AGBL2: variants seen among roughly 807,000 people sequenced by gnomAD.
AGBL2 encodes AGBL carboxypeptidase 2.
Under a neutral mutation model 103.0 loss-of-function variants are expected in AGBL2, and 87 were observed. The ratio of observed to expected loss-of-function variants is 0.84; its 90% CI spans 0.71 to 1.01. The LOEUF is 1.01. AGBL2 is among the 50% of genes least tolerant of loss of function. The pLI, the probability that AGBL2 is intolerant of heterozygous loss-of-function variation, is 0.00. For missense variants in AGBL2, 904 were observed against 1,023.5 expected (o/e 0.88, Z 1.59); for synonymous variants, 335 against 356.7 (o/e 0.94, Z 0.69).
At chr11:47,679,919 G>A (rs1399007967) in intron 13 of AGBL2, 54 bp downstream of exon 13, 1 of 1,175,894 alleles carries the variant, frequency 8.5e-7, no homozygotes, top group African/African-American at 1.5e-5. Flanking sequence ...TAGGATTACA[G>A]GTGTGAGCCA....
Position 47,700,352 on chromosome 11 carries a change from G to C in AGBL2, c.587-799C>G, listed in dbSNP as rs575050065. Among the ~76,000 whole-genome samples the C allele has an allele frequency of 4.6e-5, 7 of 152,180 alleles. No homozygotes were observed. The East Asian group carries it at 1.4e-3, about 30-fold the overall frequency. The stretch of plus-strand genomic sequence containing the variant: ...CCAGCACTTTGGGAGGACAAGGTGG[G>C]TAGATTACCTGAGGTCGGGAGTTCG... On this transcript the variant is annotated intron_variant, in intron 7 of 18. Transcript: ENST00000525123.
At chr11:47,694,589 A>T (rs1438542319) in intron 8 of AGBL2, among the ~76,000 whole-genome samples, 1 of 152,144 alleles carries the variant, frequency 6.6e-6, no homozygotes, top group Non-Finnish European at 1.5e-5. Context: ...CTTTAAATAC[A>T]CTTTAAAATT....
chr11:47,685,308 C>T (rs1365082479), intron 11 of AGBL2, among the ~76,000 whole-genome samples: 3 of 152,076 alleles, frequency 2.0e-5, no homozygotes, highest in Admixed American at 2.0e-4. Flanking sequence ...TGGCAGGGGT[C>T]TCCCTATGTT....
intron 10 of AGBL2, among the ~76,000 whole-genome samples, chr11:47,687,790 T>G (rs1312759959): frequency 6.6e-6 from 1 of 151,366 alleles, no homozygotes; most frequent in Admixed American, 6.6e-5. Context: ...TTTCTTTCTT[T>G]TTTCTTTTCT....
intron 14 of AGBL2, among the ~76,000 whole-genome samples, chr11:47,675,487 C>T (rs1359449363): frequency 2.1e-5 from 3 of 144,294 alleles, no homozygotes; most frequent in African/African-American, 5.1e-5. Flanking sequence ...CGGGTTCAGG[C>T]GATCCTCCCT....
At chr11:47,710,313 G>C in intron 4 of AGBL2, 64 bp downstream of exon 4, 2 of 1,604,930 alleles carry the variant, frequency 1.2e-6, no homozygotes, top group Non-Finnish European at 1.7e-6. Context: ...AGATTCTTCT[G>C]AATACTCAGA....
At chr11:47,704,830 T>A in intron 6 of AGBL2, 102 bp from the exon 7 acceptor site, 1 of 871,422 alleles carries the variant, frequency 1.1e-6, no homozygotes, top group Non-Finnish European at 1.7e-6. Flanking sequence ...TATATTAAAA[T>A]ATTAGCACAG....
At position 47,665,031 on chromosome 11, in the gene AGBL2, G is replaced by A. The variant is rs2097337785; in HGVS notation, c.2449-1919C>T. Among the ~76,000 whole-genome samples the A allele has an allele frequency of 2.6e-5, 4 of 151,114 alleles. 1 individual carries two copies. The highest frequency in any genetic ancestry group is 4.2e-4 in the South Asian group (2 of 4,794). ...CAAGTAGCTAAGACTATAAGCATGC[G>A]CCACCATGCACAGCTCATTTTTTTT... On this transcript the variant is annotated intron_variant, in intron 17 of 18. Coordinates refer to ENST00000525123, the MANE Select transcript of AGBL2 (RefSeq NM_024783.4).
In AGBL2 at chr11:47,705,641, CAAAAAA is replaced by C. The variant is rs71228117; in HGVS notation, c.287-13_287-8del. On this transcript the variant is annotated splice_polypyrimidine_tract_variant and splice_region_variant and intron_variant, in intron 5 of 18. Transcript: ENST00000525123. ...CCCAGGCAAGAGTGAAAGTCTGTGTCAAAAAAAAAAAAAAAAGAAAAAGAAAAAGAA... is the reference window on the plus strand; with the variant it reads ...CCCAGGCAAGAGTGAAAGTCTGTGTCAAAAAAAAAAGAAAAAGAAAAAGAA... 4.6e-5 allele frequency: 19 copies of C among 412,856 alleles called. No homozygotes were observed. Among genetic ancestry groups the C allele is most frequent in the African/African-American group, 1.3e-4 (5 of 37,892 alleles). The allele number at this position is 412,856 out of a possible 1,614,324, so 25.6% of individuals were successfully genotyped here. A position where few individuals can be genotyped will look rare whatever the true frequency, so the allele number is the denominator to read the frequency against.
intron 10 of AGBL2, among the ~76,000 whole-genome samples, chr11:47,689,871 A>G (rs2097438090): frequency 6.6e-6 from 1 of 152,166 alleles, no homozygotes; most frequent in Non-Finnish European, 1.5e-5. Context: ...TTGCATGTCC[A>G]GTTTCAACCC....
chr11:47,692,293 C>T, intron 8 of AGBL2, 37 bp from the exon 9 acceptor site: 1 of 1,587,692 alleles, frequency 6.3e-7, no homozygotes, highest in Non-Finnish European at 8.6e-7. Flanking sequence ...AGGTTCTACT[C>T]AGAATCCACT....
chr11:47,709,727 A>T (rs2097531664), intron 4 of AGBL2, among the ~76,000 whole-genome samples: 1 of 151,190 alleles, frequency 6.6e-6, no homozygotes, highest in African/African-American at 2.4e-5. Flanking sequence ...AGCTGGGACC[A>T]CAGGCACCTG....
intron 14 of AGBL2, among the ~76,000 whole-genome samples, chr11:47,669,775 C>T (rs756049149): frequency 6.6e-6 from 1 of 152,100 alleles, no homozygotes; most frequent in African/African-American, 2.4e-5. Flanking sequence ...CCATGCCCAG[C>T]TAATTTTTTG....
chr11:47,667,743 G>A, intron 15 of AGBL2, 47 bp from the exon 16 acceptor site: 1 of 1,592,000 alleles, frequency 6.3e-7, no homozygotes, highest in Admixed American at 1.8e-5. Context: ...TCCAGAACTA[G>A]GCCCACCCAC....
chr11:47,700,007 G>C (rs1224806400), intron 7 of AGBL2, among the ~76,000 whole-genome samples: 1 of 151,724 alleles, frequency 6.6e-6, no homozygotes, highest in Non-Finnish European at 1.5e-5. Flanking sequence ...GCTCAGGCTA[G>C]AGTGCAATGG....
intron 9 of AGBL2, 121 bp from the exon 10 acceptor site, chr11:47,690,979 T>C: frequency 1.3e-6 from 1 of 785,342 alleles, no homozygotes; most frequent in Non-Finnish European, 2.0e-6. Context: ...ATCTGCTACC[T>C]TAATCATTTA....
intron 7 of AGBL2, among the ~76,000 whole-genome samples, chr11:47,703,798 G>A (rs569566782): frequency 6.6e-6 from 1 of 152,044 alleles, no homozygotes; most frequent in East Asian, 1.9e-4. Context: ...GGTGGCACAT[G>A]CCTGTAATCC....
intron 3 of AGBL2, among the ~76,000 whole-genome samples, chr11:47,713,127 G>A (rs1159361555): frequency 6.6e-6 from 1 of 151,688 alleles, no homozygotes; most frequent in East Asian, 1.9e-4. Context: ...ATCACCTGAG[G>A]TCAGGAGTTC....
intron 4 of AGBL2, among the ~76,000 whole-genome samples, chr11:47,708,325 C>T (rs577559241): frequency 2.6e-5 from 4 of 151,828 alleles, no homozygotes; most frequent in Non-Finnish European, 5.9e-5. Context: ...ACCTTGGCCT[C>T]CTAAAGTGCT....
Sources: allele counts gnomAD v4.1 joint callset (sites outside exome capture counted in the v4.1 genomes callset), GRCh38; gene constraint gnomAD v4.1.1; transcripts MANE v1.5; gene names NCBI Gene and HGNC (gene_info 2026-07-23, HGNC 2026-07-21).